The following SH2D2A variants were observed in gnomAD, a reference collection of about 807,000 sequenced individuals.
The protein encoded by SH2D2A is SH2 domain containing 2A, also known as SH2 domain-containing protein 2A.
Under a neutral mutation model 43.6 loss-of-function variants are expected in SH2D2A, and 33 were observed. The observed-to-expected ratio is 0.76, with a 90% CI of 0.57 to 1.01. SH2D2A has a LOEUF of 1.01. Ranked by LOEUF, SH2D2A falls within the 50% of genes least tolerant of loss-of-function variation. The probability of loss-of-function intolerance (pLI) is 0.00; values close to 1 mark genes in which losing one functional copy is unlikely to be tolerated. For synonymous variants in SH2D2A, 212 were observed against 206.1 expected, an observed-to-expected ratio of 1.03 and a Z score of -0.25; for missense variants, 491 against 503.1, an observed-to-expected ratio of 0.98 and a Z score of 0.23.
At position 156,809,934 on chromosome 1, in the gene SH2D2A, T is replaced by G; in HGVS notation, c.568-127A>C. The G allele has an allele frequency of 3.0e-6, 3 of 1,000,888 alleles. No homozygotes were observed. Among genetic ancestry groups the G allele is most frequent in the Non-Finnish European group, 3.0e-6 (2 of 672,420 alleles). 62.0% of individuals were successfully genotyped at this position (1,000,888 alleles called of 1,614,324 possible). A position where few individuals can be genotyped will look rare whatever the true frequency, so the allele number is the denominator to read the frequency against. On this transcript the variant is annotated intron_variant, in intron 5 of 8. Coordinates refer to ENST00000368199, the MANE Select transcript of SH2D2A (RefSeq NM_003975.4). This position sits in a 1 kb window ranked among gnomAD's most constrained non-coding sequence, Gnocchi z 4.8. ...GGGGGAGGAGCACAGAAATTTGGCC[T>G]GGGCTGGGTTCCCTGGATGAGGAAG...
Position 156,809,681 on chromosome 1 carries a change from C to G in SH2D2A, c.694G>C (p.Glu232Gln). Residue 232 changes from glutamate (E) to glutamine (Q), a missense_variant, in exon 6 of 9, where the codon GAG becomes CAG. Glu to Gln is a conservative substitution (Grantham distance 29). Coordinates refer to ENST00000368199, the MANE Select transcript of SH2D2A (RefSeq NM_003975.4). The surrounding 1 kb of genome is among the most constrained non-coding windows in gnomAD (Gnocchi z 4.8). The part of the protein sequence containing the change: ...QGQAPVPMQK[E>Q]GAGEKEPSQL... ...AATACCTCCTTCTCCCCGGCCCCCT[C>G]TTTCTGCATCGGGACTGGGGCTTGC... 6.2e-7 allele frequency: 1 copy of G among 1,611,952 alleles called. No individual in the cohort carries two copies. Among genetic ancestry groups the G allele is most frequent in the Non-Finnish European group, 8.5e-7 (1 of 1,179,392 alleles).
At chr1:156,808,703 G>C (rs908043908) in intron 7 of SH2D2A, among the ~76,000 whole-genome samples, 3 of 152,178 alleles carry the variant, frequency 2.0e-5, no homozygotes, top group African/African-American at 4.8e-5. Context: ...GGGAGACAGG[G>C]AGTACACAGA....
intron 5 of SH2D2A, among the ~76,000 whole-genome samples, 193 bp downstream of exon 5, chr1:156,813,655 C>A (rs1306512221): frequency 6.6e-6 from 1 of 152,228 alleles, no homozygotes; most frequent in Non-Finnish European, 1.5e-5. Flanking sequence ...TAAGGACGGT[C>A]CCCCAGCACT....
At chr1:156,811,310 G>A (rs570020679) in intron 5 of SH2D2A, among the ~76,000 whole-genome samples, 3 of 152,214 alleles carry the variant, frequency 2.0e-5, no homozygotes, top group African/African-American at 4.8e-5. Flanking sequence ...CCCCTGCATC[G>A]TCTTGCCCTT....
At chr1:156,816,584 C>A in intron 1 of SH2D2A, 91 bp downstream of exon 1, 2 of 1,410,972 alleles carry the variant, frequency 1.4e-6, no homozygotes, top group South Asian at 1.3e-5. Context: ...GCCCCTCATC[C>A]CTGAAGTGGG....
At chr1:156,815,246 G>A in intron 2 of SH2D2A, 25 bp from the exon 3 acceptor site, 1 of 1,450,290 alleles carries the variant, frequency 6.9e-7, no homozygotes, top group South Asian at 1.5e-5. Flanking sequence ...AGTTCAAGGA[G>A]GGGGAAGCAG....
In SH2D2A at chr1:156,815,040, C is replaced by T. The variant is rs141545026; in HGVS notation, c.305G>A (p.Arg102Gln). Reference sequence around the variant, plus strand: ...AATTTCCTCCTCCATGACTCACCTCCGGGTGATGAAGCCATGGAACCAGGC... The same window carrying T: ...AATTTCCTCCTCCATGACTCACCTCTGGGTGATGAAGCCATGGAACCAGGC... ...APAWFHGFITRREAERLLEPK... is the reference protein window; with the variant it reads ...APAWFHGFITQREAERLLEPK... Residue 102 changes from arginine to glutamine, a missense_variant, in exon 3 of 9, where the codon CGG becomes CAG. Arg to Gln is a conservative substitution (Grantham distance 43, BLOSUM62 1). Coordinates refer to ENST00000368199, the MANE Select transcript of SH2D2A (RefSeq NM_003975.4). 57 of 1,547,146 alleles carry T rather than the reference C, an allele frequency of 3.7e-5. No individual in the cohort carries two copies. Among genetic ancestry groups the T allele is most frequent in the Non-Finnish European group, 4.5e-5 (51 of 1,143,854 alleles).
chr1:156,813,983 G>A lies in SH2D2A; in HGVS notation c.432C>T (p.Ala144=). The change falls in exon 5 of 9, where the codon GCC becomes GCT. Residue 144 remains alanine (A), a synonymous_variant. Transcript: ENST00000368199. ...CCACGTGGCGCCCGTCCCTGAGCTG[G>A]GCCAGCAGGAAGTGGCGGCAGCAAG... ...SRTCCRHFLL[A]QLRDGRHVVL... 2.6e-6 allele frequency: 4 copies of A among 1,525,606 alleles called. No homozygotes were observed. The highest frequency in any genetic ancestry group is 3.5e-6 in the Non-Finnish European group (4 of 1,138,632). The allele number at this position is 1,525,606 out of a possible 1,614,324, so 94.5% of individuals were successfully genotyped here. A position where few individuals can be genotyped will look rare whatever the true frequency, so the allele number is the denominator to read the frequency against.
chr1:156,814,489 G>T, intron 3 of SH2D2A, 195 bp from the exon 4 acceptor site: 1 of 1,077,900 alleles, frequency 9.3e-7, no homozygotes, highest in Non-Finnish European at 1.3e-6. Context: ...GTGGACAGGG[G>T]CCAGGGGTCC....
At chr1:156,812,134 G>C (rs1187359264) in intron 5 of SH2D2A, among the ~76,000 whole-genome samples, 2 of 152,004 alleles carry the variant, frequency 1.3e-5, no homozygotes, top group African/African-American at 4.8e-5. Flanking sequence ...CAAAAACCCA[G>C]CAGCTCCACC....
In SH2D2A at chr1:156,809,664, CT is replaced by C; in HGVS notation, c.710del (p.Lys237ArgfsTer51). The C allele has an allele frequency of 6.2e-7, 1 of 1,609,364 alleles. No individual in the cohort carries two copies. The highest frequency in any genetic ancestry group is 8.5e-7 in the Non-Finnish European group (1 of 1,178,536). On this transcript the variant is annotated frameshift_variant, in exon 6 of 9. Transcript: ENST00000368199. LOFTEE classifies it high-confidence loss of function. The surrounding 1 kb of genome is among the most constrained non-coding windows in gnomAD (Gnocchi z 4.8). ...CTCAGCCCCTGCAGCCCAATACCTC[CT>C]TCTCCCCGGCCCCCTCTTTCTGCAT... ...VPMQKEGAGE[K>X]EPSQLLRPKP...
rs748814478 is a variant in SH2D2A at position 156,816,726 on chromosome 1, G to A, written c.-18C>T. The stretch of plus-strand genomic sequence containing the variant: ...AACTCCATGAGGGCAGCCTCACAAG[G>A]GATCCCAGAGCAGGGTGTGTGTATG... On this transcript the variant is annotated 5_prime_UTR_variant, in exon 1 of 9. Coordinates refer to ENST00000368199, the MANE Select transcript of SH2D2A (RefSeq NM_003975.4). The A allele has an allele frequency of 1.5e-5, 24 of 1,591,314 alleles. 1 individual carries two copies. The highest frequency in any genetic ancestry group is 4.3e-6 in the Non-Finnish European group (5 of 1,168,400).
At chr1:156,808,442 ACGTTAGCT>A (rs1480085688) in intron 7 of SH2D2A, among the ~76,000 whole-genome samples, 1 of 152,122 alleles carries the variant, frequency 6.6e-6, no homozygotes, top group Non-Finnish European at 1.5e-5. Flanking sequence ...TGGACAGGTG[ACGTTAGCT>A]CTAGGACAGC....
In SH2D2A at chr1:156,807,896, A is replaced by T. The variant is rs2102788531; in HGVS notation, c.1003-551T>A. Among the ~76,000 whole-genome samples the T allele has an allele frequency of 6.6e-6, 1 of 152,268 alleles. No homozygotes were observed. Among genetic ancestry groups the T allele is most frequent in the East Asian group, 1.9e-4 (1 of 5,188 alleles). On this transcript the variant is annotated intron_variant, in intron 7 of 8. Transcript: ENST00000368199. This position sits in a 1 kb window ranked among gnomAD's most constrained non-coding sequence, Gnocchi z 5.1. ...GGAGGTGAGACCCCCCACCCAACCC[A>T]AGTCTAGAGTGCTTCATGGGCCAGG...
intron 2 of SH2D2A, chr1:156,815,600 G>C: frequency 1.6e-6 from 1 of 642,238 alleles, no homozygotes. Flanking sequence ...ATGAGGGAGG[G>C]CTTACTTCAT....
At chr1:156,813,513 TC>T (rs1172312032) in intron 5 of SH2D2A, among the ~76,000 whole-genome samples, 2 of 152,060 alleles carry the variant, frequency 1.3e-5, no homozygotes, top group Non-Finnish European at 1.5e-5. Context: ...GCCACTGCAC[TC>T]CAGCCTGCGC....
intron 1 of SH2D2A, 170 bp from the exon 2 acceptor site, chr1:156,816,264 C>A: frequency 1.4e-6 from 1 of 703,720 alleles, no homozygotes; most frequent in Non-Finnish European, 1.7e-6. Flanking sequence ...GTTAAGTAGC[C>A]AAGGCGGCAT....
intron 1 of SH2D2A, 36 bp downstream of exon 1, chr1:156,816,638 GC>G: frequency 1.3e-6 from 2 of 1,589,154 alleles, no homozygotes; most frequent in Non-Finnish European, 1.7e-6. Context: ...GGGTCTTTGT[GC>G]CCCCTCCCAC....
rs200276932 is a variant in SH2D2A at position 156,807,225 on chromosome 1, G to T, written c.1123C>A (p.Leu375Ile). The change falls in exon 8 of 9, where the codon CTT becomes ATT. Residue 375 changes from leucine to isoleucine, a missense_variant. By Grantham distance (5) the Leu-to-Ile change is conservative. Coordinates refer to ENST00000368199, the MANE Select transcript of SH2D2A (RefSeq NM_003975.4). The surrounding 1 kb of genome is among the most constrained non-coding windows in gnomAD (Gnocchi z 5.1). ...AGCCATGCCTGTCCTCTGTCCTGAA[G>T]CACCTGTCTAGAAAGATTGTGGGGG... ...TLPHNLSRQV[L>I]QDRGQAWLPL... The T allele has an allele frequency of 2.4e-4, 331 of 1,384,578 alleles. 4 individuals are homozygous for T. In the South Asian group the frequency reaches 2.4e-3, roughly 10 times the overall value. The allele number at this position is 1,384,578 out of a possible 1,614,324, so 85.8% of individuals were successfully genotyped here. A position where few individuals can be genotyped will look rare whatever the true frequency, so the allele number is the denominator to read the frequency against.
Sources: allele counts gnomAD v4.1 joint callset (sites outside exome capture counted in the v4.1 genomes callset), GRCh38; gene constraint gnomAD v4.1.1; non-coding constraint Gnocchi (gnomAD v3.1); transcripts MANE v1.5; gene names NCBI Gene and HGNC (gene_info 2026-07-23, HGNC 2026-07-21).